Variants in ALK observed in about 807,000 individuals in gnomAD.
ALK encodes ALK receptor tyrosine kinase.
In ALK, 74 loss-of-function variants were observed where a neutral mutation model predicts 163.1. That is an observed-to-expected ratio of 0.45 (90% CI 0.38 to 0.55). The LOEUF (loss-of-function observed/expected upper bound fraction) is 0.55, where lower values mean the gene tolerates loss of function less well. Among genes scored for constraint, ALK ranks in the 20% least tolerant of loss-of-function variants. The probability of loss-of-function intolerance (pLI) is 0.00; values close to 1 mark genes in which losing one functional copy is unlikely to be tolerated. For missense variants in ALK, 2,063 were observed against 2,105.3 expected, an observed-to-expected ratio of 0.98 and a Z score of 0.39; for synonymous variants, 960 against 843.2, an observed-to-expected ratio of 1.14 and a Z score of -2.40.
chr2:29,211,219 G>A (rs562025557), intron 24 of ALK, among the ~76,000 whole-genome samples: 2 of 152,294 alleles, frequency 1.3e-5, no homozygotes, highest in East Asian at 1.9e-4. Flanking sequence ...TGATCCAGAA[G>A]GTTTAAGTTG....
At chr2:29,239,049 A>G (rs775021494) in intron 13 of ALK, among the ~76,000 whole-genome samples, 2 of 152,246 alleles carry the variant, frequency 1.3e-5, no homozygotes, top group Non-Finnish European at 2.9e-5. Flanking sequence ...TAGGTTGGAA[A>G]GTCCCAATTA....
At chr2:29,863,960 G>A (rs757431840) in intron 1 of ALK, among the ~76,000 whole-genome samples, 10 of 152,110 alleles carry the variant, frequency 6.6e-5, no homozygotes, top group African/African-American at 1.2e-4. Context: ...ACAGCCTGTC[G>A]TGCATCTAAT....
In ALK at chr2:29,678,524, C is replaced by T. The variant is rs558710773; in HGVS notation, c.952+16326G>A. ...AATTTTCATTCAGGTGAAATATTTT[C>T]TATTTCCCATGCAATTGATTTTTTC... On this transcript the variant is annotated intron_variant, in intron 3 of 28. Coordinates refer to ENST00000389048, the MANE Select transcript of ALK (RefSeq NM_004304.5). Among the ~76,000 whole-genome samples, 50 of 151,318 alleles carry T rather than the reference C, an allele frequency of 3.3e-4. 1 individual carries two copies. Among genetic ancestry groups the T allele is most frequent in the African/African-American group, 9.4e-4 (39 of 41,404 alleles).
chr2:29,468,574 G>A (rs1368220600), intron 4 of ALK, among the ~76,000 whole-genome samples: 1 of 152,090 alleles, frequency 6.6e-6, no homozygotes, highest in Non-Finnish European at 1.5e-5. Flanking sequence ...AGCCAGCTCA[G>A]CTCAGTGGCT....
intron 12 of ALK, among the ~76,000 whole-genome samples, chr2:29,248,233 T>G (rs1664735654): frequency 6.6e-6 from 1 of 152,108 alleles, no homozygotes; most frequent in South Asian, 2.1e-4. Flanking sequence ...CCCAGCACTT[T>G]GGGAGGTCAA....
intron 4 of ALK, among the ~76,000 whole-genome samples, chr2:29,483,184 C>T (rs1260314933): frequency 3.3e-5 from 5 of 152,228 alleles, no homozygotes; most frequent in Middle Eastern, 3.2e-3. Flanking sequence ...CTCCCAGAGA[C>T]TTAGTTCTCT....
intron 2 of ALK, among the ~76,000 whole-genome samples, chr2:29,696,182 C>T (rs1678556087): frequency 6.6e-6 from 1 of 152,182 alleles, no homozygotes; most frequent in Non-Finnish European, 1.5e-5. Flanking sequence ...GGCACATGTA[C>T]ACCATGGAAT....
At chr2:29,395,486 A>G (rs1417344626) in intron 4 of ALK, among the ~76,000 whole-genome samples, 1 of 152,196 alleles carries the variant, frequency 6.6e-6, no homozygotes, top group Non-Finnish European at 1.5e-5. Context: ...AACTCAGAAC[A>G]TGACCCCAAG....
intron 1 of ALK, among the ~76,000 whole-genome samples, chr2:29,863,574 A>G (rs1350718645): frequency 6.6e-6 from 1 of 152,188 alleles, no homozygotes; most frequent in East Asian, 1.9e-4. Flanking sequence ...ACAATGAGAT[A>G]TCACCCCATG....
chr2:29,693,403 A>G (rs1019550414), intron 3 of ALK, among the ~76,000 whole-genome samples: 2 of 116,378 alleles, frequency 1.7e-5, no homozygotes, highest in South Asian at 7.0e-4. Context: ...AAGAGCACTC[A>G]CCTACACACA....
intron 1 of ALK, among the ~76,000 whole-genome samples, chr2:29,827,862 A>G (rs371512768): frequency 9.2e-5 from 14 of 152,246 alleles, no homozygotes; most frequent in East Asian, 5.8e-4. Context: ...TTTCCAAGTC[A>G]ATCCTAAGCC....
At chr2:29,292,846 G>C (rs1558656551) in intron 9 of ALK, among the ~76,000 whole-genome samples, 2 of 152,116 alleles carry the variant, frequency 1.3e-5, no homozygotes, top group Admixed American at 6.5e-5. Flanking sequence ...ATGGATCAAT[G>C]CCTCCCTGTC....
At chr2:29,202,120 G>A (rs941251460) in intron 26 of ALK, among the ~76,000 whole-genome samples, 1 of 152,120 alleles carries the variant, frequency 6.6e-6, no homozygotes, top group Non-Finnish European at 1.5e-5. Flanking sequence ...CCGACCATCA[G>A]GACTTGATTT....
At chr2:29,404,358 T>C (rs1410485089) in intron 4 of ALK, among the ~76,000 whole-genome samples, 2 of 150,744 alleles carry the variant, frequency 1.3e-5, no homozygotes, top group Non-Finnish European at 2.9e-5. Context: ...AGTTTCCTCT[T>C]AAATAAATAA....
intron 1 of ALK, among the ~76,000 whole-genome samples, chr2:29,851,813 C>T (rs892090883): frequency 6.6e-6 from 1 of 152,232 alleles, no homozygotes; most frequent in Non-Finnish European, 1.5e-5. Context: ...AGCACCTTCA[C>T]ACCTGTGGTC....
chr2:29,409,662 G>C (rs956788453), intron 4 of ALK, among the ~76,000 whole-genome samples: 1 of 152,130 alleles, frequency 6.6e-6, no homozygotes, highest in Non-Finnish European at 1.5e-5. Flanking sequence ...AGTGGCTCCC[G>C]TCAAGCCTCA....
At chr2:29,556,149 A>G (rs1673852420) in intron 3 of ALK, among the ~76,000 whole-genome samples, 1 of 152,128 alleles carries the variant, frequency 6.6e-6, no homozygotes, top group African/African-American at 2.4e-5. Context: ...TATCTGGGAG[A>G]TGCCGCAGCC....
intron 9 of ALK, among the ~76,000 whole-genome samples, chr2:29,287,140 T>C (rs893129710): frequency 7.2e-5 from 11 of 152,240 alleles, no homozygotes; most frequent in African/African-American, 2.7e-4. Flanking sequence ...GTGTGCACCA[T>C]GTATTCTAGA....
intron 3 of ALK, among the ~76,000 whole-genome samples, chr2:29,630,671 T>G (rs892017273): frequency 6.6e-6 from 1 of 152,198 alleles, no homozygotes; most frequent in Non-Finnish European, 1.5e-5. Flanking sequence ...TCTTTCTAGA[T>G]TAATGCTTTG....
Sources: allele counts gnomAD v4.1 joint callset (sites outside exome capture counted in the v4.1 genomes callset), GRCh38; gene constraint gnomAD v4.1.1; transcripts MANE v1.5; gene names NCBI Gene and HGNC (gene_info 2026-07-23, HGNC 2026-07-21).